Variants in LRRTM4 observed in about 807,000 individuals in gnomAD.
The protein encoded by LRRTM4 is leucine-rich repeat transmembrane neuronal protein 4.
Under a neutral mutation model 47.6 loss-of-function variants are expected in LRRTM4, and 25 were observed. The ratio of observed to expected loss-of-function variants is 0.53; its 90% CI spans 0.38 to 0.73. The LOEUF is 0.73. Among genes scored for constraint, LRRTM4 ranks in the 30% least tolerant of loss-of-function variants. LRRTM4 has a pLI of 0.00. For missense variants in LRRTM4, 638 were observed against 713.4 expected (o/e 0.89, Z 1.20); for synonymous variants, 311 against 269.5 (o/e 1.15, Z -1.51).
In LRRTM4 at chr2:77,117,021, C is replaced by T. The variant is rs115896733; in HGVS notation, c.1552-368105G>A. 9.0e-3 allele frequency among the ~76,000 whole-genome samples: 1,366 copies of T among 152,082 alleles called. 26 individuals are homozygous for T. Among genetic ancestry groups the T allele is most frequent in the African/African-American group, 0.031 (1,271 of 41,532 alleles). ...TCCTGTCTTCATAGATTTGCCTTTT[C>T]TGGACATGTCATATAAATGGGATCA... On this transcript the variant is annotated intron_variant, in intron 3 of 3. Transcript: ENST00000409884.
intron 3 of LRRTM4, among the ~76,000 whole-genome samples, chr2:77,331,344 C>A (rs1670965899): frequency 6.6e-6 from 1 of 152,028 alleles, no homozygotes; most frequent in Non-Finnish European, 1.5e-5. Flanking sequence ...CAAGGGATGC[C>A]ATTGTTTGGG....
intron 3 of LRRTM4, among the ~76,000 whole-genome samples, chr2:77,202,140 G>A (rs993534824): frequency 6.6e-6 from 1 of 152,122 alleles, no homozygotes; most frequent in Non-Finnish European, 1.5e-5. Flanking sequence ...CAGTGAAAGA[G>A]TGTTAGAAAT....
At chr2:77,144,452 C>T (rs1344055093) in intron 3 of LRRTM4, among the ~76,000 whole-genome samples, 1 of 151,682 alleles carries the variant, frequency 6.6e-6, no homozygotes, top group African/African-American at 2.4e-5. Flanking sequence ...AAAATAAAAA[C>T]ATTTTCTGCT....
chr2:77,360,537 A>G (rs111604338), intron 3 of LRRTM4, among the ~76,000 whole-genome samples: 1,792 of 117,530 alleles, frequency 0.015, 16 homozygotes, highest in Middle Eastern at 0.028. Flanking sequence ...GATACGATAC[A>G]ATACAATCAT....
At chr2:77,109,845 G>A (rs79488306) in intron 3 of LRRTM4, among the ~76,000 whole-genome samples, 8,090 of 151,778 alleles carry the variant, frequency 0.053, 393 homozygotes, top group East Asian at 0.23. Context: ...AGAACATTTA[G>A]AACTGAAAAA....
chr2:77,144,058 A>C (rs1481447911), intron 3 of LRRTM4, among the ~76,000 whole-genome samples: 1 of 152,182 alleles, frequency 6.6e-6, no homozygotes, highest in African/African-American at 2.4e-5. Context: ...AAGGACAGCA[A>C]ATTATGCAGG....
At chr2:77,416,434 A>G (rs1420751341) in intron 3 of LRRTM4, among the ~76,000 whole-genome samples, 1 of 152,138 alleles carries the variant, frequency 6.6e-6, no homozygotes, top group African/African-American at 2.4e-5. Context: ...CATGGTAAGT[A>G]CTAAAACATT....
intron 3 of LRRTM4, among the ~76,000 whole-genome samples, chr2:77,487,130 G>A (rs1242300469): frequency 3.3e-5 from 5 of 152,218 alleles, no homozygotes; most frequent in African/African-American, 1.2e-4. Flanking sequence ...CGCAGCCAGG[G>A]CTGCAGGATC....
chr2:77,201,758 TG>T (rs1673981488), intron 3 of LRRTM4, among the ~76,000 whole-genome samples: 1 of 152,130 alleles, frequency 6.6e-6, no homozygotes, highest in Non-Finnish European at 1.5e-5. Context: ...CACAGCTTGC[TG>T]GGATTTTTAT....
chr2:76,827,716 A>G (rs1671227283), intron 3 of LRRTM4, among the ~76,000 whole-genome samples: 1 of 151,874 alleles, frequency 6.6e-6, no homozygotes, highest in Non-Finnish European at 1.5e-5. Flanking sequence ...GAGTACTGAT[A>G]AGATTACAAA....
At chr2:76,905,111 G>C (rs866112254) in intron 3 of LRRTM4, among the ~76,000 whole-genome samples, 2 of 152,112 alleles carry the variant, frequency 1.3e-5, no homozygotes, top group Admixed American at 6.5e-5. Context: ...AGTAGGGGCA[G>C]ACTGACACCT....
intron 3 of LRRTM4, among the ~76,000 whole-genome samples, chr2:77,086,296 C>A (rs796502441): frequency 6.6e-6 from 1 of 152,068 alleles, no homozygotes. Context: ...ACATCACTGA[C>A]GTAATAAAGC....
At chr2:77,051,036 A>G (rs148276453) in intron 3 of LRRTM4, among the ~76,000 whole-genome samples, 5 of 145,984 alleles carry the variant, frequency 3.4e-5, no homozygotes, top group Admixed American at 7.0e-5. Context: ...TTTAAAATAG[A>G]TAACACTAAG....
chr2:76,909,697 C>T (rs1573298393), intron 3 of LRRTM4, among the ~76,000 whole-genome samples: 1 of 152,136 alleles, frequency 6.6e-6, no homozygotes, highest in African/African-American at 2.4e-5. Flanking sequence ...CATGAACAGA[C>T]ACTTCTCAAA....
chr2:77,394,215 T>A (rs1417230221), intron 3 of LRRTM4, among the ~76,000 whole-genome samples: 4 of 151,932 alleles, frequency 2.6e-5, no homozygotes, highest in Non-Finnish European at 4.4e-5. Flanking sequence ...AAAATAAATT[T>A]AAAAATTTAA....
chr2:77,235,174 A>G (rs967102934), intron 3 of LRRTM4, among the ~76,000 whole-genome samples: 1 of 152,090 alleles, frequency 6.6e-6, no homozygotes, highest in African/African-American at 2.4e-5. Context: ...GCTATTGTGA[A>G]TAGTGCCACA....
chr2:76,762,027 C>A (rs1673274155), intron 3 of LRRTM4, among the ~76,000 whole-genome samples: 1 of 152,120 alleles, frequency 6.6e-6, no homozygotes, highest in Non-Finnish European at 1.5e-5. Flanking sequence ...GAATAGCTTG[C>A]AAAAGCTGTT....
intron 3 of LRRTM4, among the ~76,000 whole-genome samples, chr2:77,221,628 A>C (rs1410918973): frequency 1.3e-5 from 2 of 152,062 alleles, no homozygotes; most frequent in African/African-American, 2.4e-5. Flanking sequence ...CATAATGGTA[A>C]AGGGATCAAT....
chr2:76,805,787 T>G (rs1239393712), intron 3 of LRRTM4, among the ~76,000 whole-genome samples: 1 of 151,874 alleles, frequency 6.6e-6, no homozygotes, highest in Non-Finnish European at 1.5e-5. Flanking sequence ...TCCTCTTACT[T>G]CCCCTTACTG....
Sources: allele counts gnomAD v4.1 joint callset (sites outside exome capture counted in the v4.1 genomes callset), GRCh38; gene constraint gnomAD v4.1.1; transcripts MANE v1.5; gene names NCBI Gene and HGNC (gene_info 2026-07-23, HGNC 2026-07-21).